The following DSTYK variants were observed in gnomAD, a reference collection of about 807,000 sequenced individuals.
DSTYK encodes dual serine/threonine and tyrosine protein kinase, also known as RIP-homologous kinase.
Under a neutral mutation model 98.7 loss-of-function variants are expected in DSTYK, and 34 were observed. The ratio of observed to expected loss-of-function variants is 0.34; its 90% CI spans 0.26 to 0.46. DSTYK has a LOEUF of 0.46. Among genes scored for constraint, DSTYK ranks in the 20% least tolerant of loss-of-function variants. DSTYK has a pLI of 1.00. For synonymous variants in DSTYK, 462 were observed against 457.3 expected (o/e 1.01, Z -0.13); for missense variants, 962 against 1,181.7 (o/e 0.81, Z 2.73).
chr1:205,211,428 G>A lies in DSTYK; in HGVS notation c.108C>T (p.Arg36=). 2 of 1,606,436 alleles carry A rather than the reference G, an allele frequency of 1.2e-6. No individual in the cohort carries two copies. Among genetic ancestry groups the A allele is most frequent in the Non-Finnish European group, 1.7e-6 (2 of 1,178,320 alleles). Residue 36 remains arginine, a synonymous_variant, in exon 1 of 13, where the codon CGC becomes CGT. Coordinates refer to ENST00000367162, the MANE Select transcript of DSTYK (RefSeq NM_015375.3). ...GGTTCTGTCGCAGCCGTCCCAGGTA[G>A]CGGCGGTAGCGGCCGAAGCCCCGGC... ...ELCRGFGRYR[R]YLGRLRQNLR...
chr1:205,175,027 G>A (rs1027969397), intron 2 of DSTYK, among the ~76,000 whole-genome samples: 5 of 151,694 alleles, frequency 3.3e-5, no homozygotes, highest in South Asian at 2.1e-4. Context: ...ACCAGCCACC[G>A]TGCCCTGCCA....
intron 6 of DSTYK, among the ~76,000 whole-genome samples, chr1:205,161,597 C>G (rs942462543): frequency 6.6e-6 from 1 of 152,162 alleles, no homozygotes; most frequent in Non-Finnish European, 1.5e-5. Context: ...CATCTATCCA[C>G]TCTCTGCCTG....
At chr1:205,154,110 G>A (rs1294546310) in intron 10 of DSTYK, among the ~76,000 whole-genome samples, 5 of 151,582 alleles carry the variant, frequency 3.3e-5, no homozygotes, top group Non-Finnish European at 7.4e-5. Context: ...AAGAGAGAGC[G>A]TACATTTTGG....
intron 2 of DSTYK, among the ~76,000 whole-genome samples, chr1:205,183,622 T>C (rs1015326507): frequency 2.6e-5 from 4 of 152,246 alleles, no homozygotes; most frequent in African/African-American, 9.6e-5. Context: ...TTTCCTTTCT[T>C]TACTACCCTC....
rs370244638 is a variant in DSTYK at position 205,169,630 on chromosome 1, G to C, written c.857C>G (p.Ser286Trp). 3 of 1,614,154 alleles carry C rather than the reference G, an allele frequency of 1.9e-6. No individual in the cohort carries two copies. Among genetic ancestry groups the C allele is most frequent in the Non-Finnish European group, 2.5e-6 (3 of 1,180,038 alleles). Reference sequence around the variant, plus strand: ...CCTGGTTGAGGAGTCTATTATCTCCGAGCCCAGTTTCGGCACTTTGAAAAA... The same window carrying C: ...CCTGGTTGAGGAGTCTATTATCTCCCAGCCCAGTTTCGGCACTTTGAAAAA... ...VFFFKVPKLG[S>W]EIIDSSTRRM... Residue 286 changes from serine (S) to tryptophan (W), a missense_variant, in exon 3 of 13, where the codon TCG becomes TGG. Ser to Trp is a radical substitution (Grantham distance 177, BLOSUM62 -3). Around this residue, in one of 4 missense-constraint regions of DSTYK, gnomAD observed 660 missense variants for 855.0 expected, o/e 0.77. Transcript: ENST00000367162. The surrounding 1 kb of genome is among the most constrained non-coding windows in gnomAD (Gnocchi z 4.0).
rs138447158 is a variant in DSTYK at position 205,186,520 on chromosome 1, G to A, written c.654+898C>T. On this transcript the variant is annotated intron_variant, in intron 2 of 12. Transcript: ENST00000367162. ...AGATGAAGTGGTTATAAGAAAGAAGGAAAGAAGAAACCACTCTTTCAGGTC... is the reference window on the plus strand; with the variant it reads ...AGATGAAGTGGTTATAAGAAAGAAGAAAAGAAGAAACCACTCTTTCAGGTC... Among the ~76,000 whole-genome samples, 36 of 152,260 alleles carry A rather than the reference G, an allele frequency of 2.4e-4. No homozygotes were observed. The East Asian group carries it at 6.9e-3, about 29-fold the overall frequency.
chr1:205,157,895 T>C (rs1657610165), intron 9 of DSTYK, among the ~76,000 whole-genome samples: 1 of 151,900 alleles, frequency 6.6e-6, no homozygotes, highest in Non-Finnish European at 1.5e-5. Flanking sequence ...GCCGAACAGA[T>C]AACTTCAAAT....
At chr1:205,210,425 C>T (rs1449370837) in intron 1 of DSTYK, among the ~76,000 whole-genome samples, 1 of 134,300 alleles carries the variant, frequency 7.4e-6, no homozygotes, top group Non-Finnish European at 1.8e-5. Context: ...TCCCTTCTCC[C>T]TTCCAATCTA....
rs34830650 is a variant in DSTYK at position 205,162,177 on chromosome 1, G to A, written c.1677C>T (p.Ala559=). Residue 559 remains alanine, a synonymous_variant, in exon 6 of 13, where the codon GCC becomes GCT. Coordinates refer to ENST00000367162, the MANE Select transcript of DSTYK (RefSeq NM_015375.3). ...IQRITWVSPP[A]ITLEWKRKVA... is the part of the protein sequence containing the mutation. ...CCTTCCTCTTCCATTCCAGAGTGAT[G>A]GCAGGTGGGCTCACCCATGTGATGC... is the stretch of plus-strand genomic sequence containing the variant. 4.2e-4 allele frequency: 675 copies of A among 1,614,162 alleles called. 3 individuals are homozygous for A. The African/African-American group carries it at 8.5e-3, about 20-fold the overall frequency.
intron 1 of DSTYK, among the ~76,000 whole-genome samples, chr1:205,194,107 T>A (rs984906709): frequency 6.6e-6 from 1 of 152,244 alleles, no homozygotes; most frequent in Non-Finnish European, 1.5e-5. Flanking sequence ...AATCACTTTC[T>A]ACAAAGCAGT....
chr1:205,148,477 T>C, intron 11 of DSTYK, 138 bp from the exon 12 acceptor site: 3 of 1,022,172 alleles, frequency 2.9e-6, no homozygotes, highest in Non-Finnish European at 4.2e-6. Context: ...CCCTGCCAGG[T>C]AGGCAGGGTA....
chr1:205,186,982 T>A (rs2102450133), intron 2 of DSTYK, among the ~76,000 whole-genome samples: 1 of 152,368 alleles, frequency 6.6e-6, no homozygotes, highest in East Asian at 1.9e-4. Flanking sequence ...AATTCTTCAC[T>A]TGGTCTCAAT....
chr1:205,156,957 T>G (rs1657580656), intron 10 of DSTYK, among the ~76,000 whole-genome samples: 1 of 152,196 alleles, frequency 6.6e-6, no homozygotes, highest in Admixed American at 6.5e-5. Context: ...CTGATGGTTT[T>G]GTAAGGGGCT....
chr1:205,193,383 T>A (rs1340316969), intron 1 of DSTYK, among the ~76,000 whole-genome samples: 1 of 152,186 alleles, frequency 6.6e-6, no homozygotes, highest in Non-Finnish European at 1.5e-5. Flanking sequence ...CTATTTTCCA[T>A]CCCATCAGGC....
chr1:205,142,793 TTTTA>T lies in DSTYK; in HGVS notation c.*4761_*4764del, dbSNP rs1287965293. 6.6e-6 allele frequency: 1 copy of T among 152,252 alleles called. No homozygotes were observed. Among genetic ancestry groups the T allele is most frequent in the Non-Finnish European group, 1.5e-5 (1 of 68,044 alleles). 9.4% of individuals were successfully genotyped at this position (152,252 alleles called of 1,614,324 possible). On this transcript the variant is annotated 3_prime_UTR_variant, in exon 13 of 13. Transcript: ENST00000367162. ...ATTCTACACACTTAGTATCTTACAC[TTTTA>T]TTTAACACTGTAATAAACATTAGTC...
chr1:205,200,465 C>G (rs895111040), intron 1 of DSTYK, among the ~76,000 whole-genome samples: 4 of 152,110 alleles, frequency 2.6e-5, no homozygotes, highest in Non-Finnish European at 5.9e-5. Flanking sequence ...TGAGCCACTG[C>G]GTCCGGCCTC....
chr1:205,187,333 C>T (rs1658583655), intron 2 of DSTYK, 85 bp downstream of exon 2: 2 of 1,437,670 alleles, frequency 1.4e-6, no homozygotes, highest in Non-Finnish European at 9.3e-7. Context: ...GACTATATAT[C>T]ATCGAATTAC....
rs776759045 is a variant in DSTYK, at chr1:205,211,395, C to T, written c.141G>A (p.Glu47=). ...TGATGTCGCGGAAGAACTTCTGGGTCTCGCGCAGGTTCTGTCGCAGCCGTC... is the reference window on the plus strand; with the variant it reads ...TGATGTCGCGGAAGAACTTCTGGGTTTCGCGCAGGTTCTGTCGCAGCCGTC... The part of the protein sequence containing the change: ...YLGRLRQNLR[E]TQKFFRDIKC... The change falls in exon 1 of 13, where the codon GAG becomes GAA. Residue 47 remains glutamate, a synonymous_variant. Transcript: ENST00000367162. 1.9e-6 allele frequency: 3 copies of T among 1,611,886 alleles called. No homozygotes were observed. The highest frequency in any genetic ancestry group is 1.7e-5 in the Admixed American group (1 of 59,910).
chr1:205,210,636 C>T (rs563308716), intron 1 of DSTYK, among the ~76,000 whole-genome samples: 1 of 152,076 alleles, frequency 6.6e-6, no homozygotes, highest in African/African-American at 2.4e-5. Context: ...CCAAAATGAT[C>T]CCTTCCCTCT....
Sources: allele counts gnomAD v4.1 joint callset (sites outside exome capture counted in the v4.1 genomes callset), GRCh38; gene constraint gnomAD v4.1.1; regional missense constraint gnomAD v4.1.1; non-coding constraint Gnocchi (gnomAD v3.1); transcripts MANE v1.5; gene names NCBI Gene and HGNC (gene_info 2026-07-23, HGNC 2026-07-21).